PDGFA: variants seen among roughly 807,000 people sequenced by gnomAD.
The protein encoded by PDGFA is platelet-derived growth factor subunit A.
PDGFA carries 9 observed loss-of-function variants against 25.6 expected under a neutral mutation model. That is an observed-to-expected ratio of 0.35 (90% CI 0.21 to 0.61). The LOEUF (loss-of-function observed/expected upper bound fraction) is 0.61, where lower values mean the gene tolerates loss of function less well. PDGFA is among the 20% of genes least tolerant of loss of function. The pLI is 0.75. For synonymous variants in PDGFA, 133 were observed against 111.8 expected, an observed-to-expected ratio of 1.19 and a Z score of -1.20; for missense variants, 242 against 272.8, an observed-to-expected ratio of 0.89 and a Z score of 0.79.
intron 4 of PDGFA, among the ~76,000 whole-genome samples, chr7:510,229 G>T (rs2128399654): frequency 6.6e-6 from 1 of 152,224 alleles, no homozygotes; most frequent in Admixed American, 6.5e-5. Flanking sequence ...CAGAGCAGAA[G>T]CCCCGGCCGG....
In PDGFA at chr7:500,849, T is replaced by C; in HGVS notation, c.580+267A>G. The C allele has an allele frequency of 6.6e-7, 1 of 1,519,124 alleles. No homozygotes were observed. Among genetic ancestry groups the C allele is most frequent in the African/African-American group, 1.4e-5 (1 of 73,012 alleles). 94.1% of individuals were successfully genotyped at this position (1,519,124 alleles called of 1,614,324 possible). On this transcript the variant is annotated intron_variant, in intron 5 of 5. Coordinates refer to ENST00000402802, the Ensembl canonical transcript of PDGFA. This position sits in a 1 kb window ranked among gnomAD's most constrained non-coding sequence, Gnocchi z 5.0. ...GCCCACTAATGAATTGGGTGTCTTA[T>C]GCACTCCCAGCCCCTCTCAGTGAGA...
intron 2 of PDGFA, 177 bp from the exon 3 acceptor site, chr7:512,632 C>T: frequency 6.5e-7 from 1 of 1,527,964 alleles, no homozygotes; most frequent in East Asian, 2.5e-5. Context: ...CGATTCCCAC[C>T]AGGGCTTTCC....
rs776380813 is a variant in PDGFA at position 500,887 on chromosome 7, C to T, written c.580+229G>A. On this transcript the variant is annotated intron_variant, in intron 5 of 5. Transcript: ENST00000402802. This position sits in a 1 kb window ranked among gnomAD's most constrained non-coding sequence, Gnocchi z 5.0. ...CCTCTCAGTGAGACCTGAATCTCCT[C>T]TCCTGCCAGTGCCGCAGCTTGGGCC... is the stretch of plus-strand genomic sequence containing the variant. The T allele has an allele frequency of 1.9e-6, 3 of 1,574,636 alleles. No individual in the cohort carries two copies. The highest frequency in any genetic ancestry group is 2.6e-6 in the Non-Finnish European group (3 of 1,167,706).
In PDGFA at chr7:500,527, T is replaced by C. The variant is rs773116342; in HGVS notation, c.580+589A>G. 1.3e-5 allele frequency: 21 copies of C among 1,613,340 alleles called. No individual in the cohort carries two copies. The highest frequency in any genetic ancestry group is 1.8e-5 in the Non-Finnish European group (21 of 1,179,914). On this transcript the variant is annotated intron_variant, in intron 5 of 5. Coordinates refer to ENST00000402802, the Ensembl canonical transcript of PDGFA. This position sits in a 1 kb window ranked among gnomAD's most constrained non-coding sequence, Gnocchi z 5.0. ...GTTAACAAAAGGGCAGGGCGGTGAGTGGGCCGAGGGACGGCCGTCGGGGTG... is the reference window on the plus strand; with the variant it reads ...GTTAACAAAAGGGCAGGGCGGTGAGCGGGCCGAGGGACGGCCGTCGGGGTG...
intron 2 of PDGFA, 154 bp from the exon 3 acceptor site, chr7:512,609 T>G: frequency 4.5e-6 from 7 of 1,540,744 alleles, no homozygotes; most frequent in Non-Finnish European, 6.1e-6. Flanking sequence ...TTAGGGGCCC[T>G]CCAGGAGAAC....
In PDGFA at chr7:500,585, G is replaced by A; in HGVS notation, c.580+531C>T. Reference sequence around the variant, plus strand: ...GAAGCAACAAATACCTACGGCATTTGTTTATCTTTCCAGAAGAGAAGGCCA... The same window carrying A: ...GAAGCAACAAATACCTACGGCATTTATTTATCTTTCCAGAAGAGAAGGCCA... On this transcript the variant is annotated intron_variant, in intron 5 of 5. Coordinates refer to ENST00000402802, the Ensembl canonical transcript of PDGFA. This position sits in a 1 kb window ranked among gnomAD's most constrained non-coding sequence, Gnocchi z 5.0. The A allele has an allele frequency of 3.7e-6, 6 of 1,604,020 alleles. No individual in the cohort carries two copies. The highest frequency in any genetic ancestry group is 5.1e-6 in the Non-Finnish European group (6 of 1,176,410).
At position 500,386 on chromosome 7, in the gene PDGFA, C is replaced by T; in HGVS notation, c.580+730G>A. 1.2e-6 allele frequency: 2 copies of T among 1,600,812 alleles called. No individual in the cohort carries two copies. Among genetic ancestry groups the T allele is most frequent in the African/African-American group, 1.3e-5 (1 of 74,768 alleles). On this transcript the variant is annotated intron_variant, in intron 5 of 5. Coordinates refer to ENST00000402802, the Ensembl canonical transcript of PDGFA. The surrounding 1 kb of genome is among the most constrained non-coding windows in gnomAD (Gnocchi z 5.0). ...TTGCTGGTGTGATCAGTCAGTTGCA[C>T]CTCCCCGCCCTGCAGGACTCAGTGT...
At chr7:502,768 T>TCACACACACACACA (rs71016866) in intron 4 of PDGFA, among the ~76,000 whole-genome samples, 20 of 126,032 alleles carry the variant, frequency 1.6e-4, no homozygotes, top group Non-Finnish European at 2.5e-4. Context: ...AGGCAAGAAA[T>TCACACACACACACA]CACACACACA....
In PDGFA at chr7:500,752, TC is replaced by T. The variant is rs1782292142; in HGVS notation, c.580+363del. On this transcript the variant is annotated intron_variant, in intron 5 of 5. Transcript: ENST00000402802. This position sits in a 1 kb window ranked among gnomAD's most constrained non-coding sequence, Gnocchi z 5.0. ...CCCCAGCCAGCCAGGGCAACTGCAG[TC>T]CTCGAACCTGCTCCTCCCGCCCACC... 7.0e-7 allele frequency: 1 copy of T among 1,436,748 alleles called. No individual in the cohort carries two copies. The highest frequency in any genetic ancestry group is 9.1e-7 in the Non-Finnish European group (1 of 1,099,218). 89.0% of individuals were successfully genotyped at this position (1,436,748 alleles called of 1,614,324 possible).
chr7:520,152 G>T, upstream of PDGFA: 1 of 308,424 alleles, frequency 3.2e-6, no homozygotes, highest in South Asian at 2.3e-5. Flanking sequence ...GCACCGGGTG[G>T]GGAGGGAGGA....
chr7:511,199 C>T (rs991250913), intron 3 of PDGFA, among the ~76,000 whole-genome samples: 6 of 146,426 alleles, frequency 4.1e-5, no homozygotes, highest in African/African-American at 1.5e-4. Context: ...AGGAGCCCAG[C>T]CCGGTGCCTG....
In PDGFA at chr7:500,212, G is replaced by A. The variant is rs892331803; in HGVS notation, c.580+904C>T. ...CGACAAAGAGAAGGACAAAGCTGGA[G>A]GCAGGCTCCCAAGCGGGAGTGAGCC... On this transcript the variant is annotated intron_variant, in intron 5 of 5. Transcript: ENST00000402802. This position sits in a 1 kb window ranked among gnomAD's most constrained non-coding sequence, Gnocchi z 5.0. 6.6e-6 allele frequency among the ~76,000 whole-genome samples: 1 copy of A among 152,234 alleles called. No homozygotes were observed. The highest frequency in any genetic ancestry group is 2.4e-5 in the African/African-American group (1 of 41,464).
intron 2 of PDGFA, among the ~76,000 whole-genome samples, chr7:514,765 C>CACT: frequency 6.6e-6 from 1 of 152,358 alleles, no homozygotes; most frequent in African/African-American, 2.4e-5. Context: ...CCCCAGCTGC[C>CACT]ACTGCACACA....
chr7:515,431 C>T (rs1376267211), intron 2 of PDGFA, among the ~76,000 whole-genome samples: 3 of 152,178 alleles, frequency 2.0e-5, no homozygotes, highest in African/African-American at 4.8e-5. Flanking sequence ...GAGGAGCAGC[C>T]GGTGCCTCTC....
intron 4 of PDGFA, among the ~76,000 whole-genome samples, chr7:501,849 A>C (rs1335338571): frequency 6.6e-6 from 1 of 152,216 alleles, no homozygotes; most frequent in Non-Finnish European, 1.5e-5. Context: ...TCTGGGGTGC[A>C]GGTGGCCAGG....
intron 4 of PDGFA, among the ~76,000 whole-genome samples, chr7:503,122 C>T (rs1782421142): frequency 6.6e-6 from 1 of 152,178 alleles, no homozygotes; most frequent in African/African-American, 2.4e-5. Context: ...CTGGCACCTC[C>T]ATTTACAGAA....
chr7:498,364 A>G, exon 6 of PDGFA: 1 of 550,246 alleles, frequency 1.8e-6, no homozygotes, highest in East Asian at 2.9e-5. Flanking sequence ...TTACTGCTTC[A>G]CCGAGTGCTA....
At chr7:498,385 T>C (rs1782190394) in exon 6 of PDGFA, 8 of 619,890 alleles carry the variant, frequency 1.3e-5, no homozygotes, top group South Asian at 1.2e-4. Flanking sequence ...CAATACTTGC[T>C]TTGATGTCAC....
chr7:509,183 C>T (rs1782693655), intron 4 of PDGFA, among the ~76,000 whole-genome samples: 1 of 152,228 alleles, frequency 6.6e-6, no homozygotes, highest in African/African-American at 2.4e-5. Flanking sequence ...GGGAGGAAGG[C>T]CCTGCTGTGG....
Sources: gnomAD v4.1 joint callset for allele counts (sites outside exome capture counted in the v4.1 genomes callset) on GRCh38, gnomAD v4.1.1 for gene constraint, Gnocchi (gnomAD v3.1) non-coding constraint, MANE v1.5 for transcripts, NCBI Gene and HGNC (gene_info 2026-07-23, HGNC 2026-07-21) for gene names.